SYBU: variants seen among roughly 807,000 people sequenced by gnomAD.
The protein encoded by SYBU is syntabulin.
SYBU carries 21 observed loss-of-function variants against 35.9 expected under a neutral mutation model. That is an observed-to-expected ratio of 0.58 (90% CI 0.41 to 0.84). SYBU has a LOEUF of 0.84. Among genes scored for constraint, SYBU ranks in the 40% least tolerant of loss-of-function variants. SYBU has a pLI of 0.00. For synonymous variants in SYBU, 319 were observed against 324.3 expected (o/e 0.98, Z 0.18); for missense variants, 768 against 848.2 (o/e 0.91, Z 1.17).
rs138718238 is a variant in SYBU at position 109,670,905 on chromosome 8, A to AAGAG, written c.-129+9802_-129+9805dup. Among the ~76,000 whole-genome samples, 1,328 of 152,156 alleles carry AAGAG rather than the reference A, an allele frequency of 8.7e-3. 26 individuals are homozygous for AAGAG. The highest frequency in any genetic ancestry group is 0.031 in the African/African-American group (1,277 of 41,504). On this transcript the variant is annotated intron_variant, in intron 1 of 5. Coordinates refer to the SYBU transcript ENST00000408889. ...AGAGGTAGAAATAGAGTTAGAATGG[A>AAGAG]AGAGAGAGAGAGACTTTGCTTTATG...
At position 109,644,750 on chromosome 8, in the gene SYBU, C is replaced by G; in HGVS notation, c.-91G>C. The G allele has an allele frequency of 1.6e-6, 2 of 1,251,716 alleles. No individual in the cohort carries two copies. Among genetic ancestry groups the G allele is most frequent in the South Asian group, 4.1e-5 (2 of 48,602 alleles). The allele number at this position is 1,251,716 out of a possible 1,614,324, so 77.5% of individuals were successfully genotyped here. A position where few individuals can be genotyped will look rare whatever the true frequency, so the allele number is the denominator to read the frequency against. On this transcript the variant is annotated 5_prime_UTR_variant, in exon 1 of 7. Coordinates refer to ENST00000276646, the MANE Select transcript of SYBU (RefSeq NM_001099754.2). ...ACGGAGCGAGGAGACTGCGCTGAGCCGGCGCGGGCTGCGGGCGGCGGCTCT... is the reference window on the plus strand; with the variant it reads ...ACGGAGCGAGGAGACTGCGCTGAGCGGGCGCGGGCTGCGGGCGGCGGCTCT...
At chr8:109,642,206 C>T (rs955789721) in intron 2 of SYBU, among the ~76,000 whole-genome samples, 2 of 152,052 alleles carry the variant, frequency 1.3e-5, no homozygotes, top group Admixed American at 1.3e-4. Context: ...AACAGAGGAA[C>T]AGAAAACCAA....
intron 1 of SYBU, among the ~76,000 whole-genome samples, chr8:109,659,524 A>G (rs1275253490): frequency 6.6e-6 from 1 of 152,190 alleles, no homozygotes; most frequent in African/African-American, 2.4e-5. Context: ...TGCCATTGAC[A>G]AAAGCATTAT....
intron 1 of SYBU, among the ~76,000 whole-genome samples, chr8:109,669,477 G>A (rs1438871665): frequency 6.6e-6 from 1 of 151,262 alleles, no homozygotes; most frequent in Non-Finnish European, 1.5e-5. Flanking sequence ...ACATATCAAC[G>A]TGTTGAAGTT....
intron 6 of SYBU, among the ~76,000 whole-genome samples, chr8:109,576,392 T>G (rs1822321493): frequency 6.6e-6 from 1 of 152,238 alleles, no homozygotes; most frequent in Admixed American, 6.5e-5. Context: ...AAGTCTTATC[T>G]TCTACTCAAT....
rs190248030 is a variant in SYBU at position 109,610,652 on chromosome 8, T to C, written c.427+8190A>G. 1.1e-3 allele frequency among the ~76,000 whole-genome samples: 170 copies of C among 152,348 alleles called. 2 individuals are homozygous for C. The highest frequency in any genetic ancestry group is 0.011 in the Admixed American group (168 of 15,296). ...AAATTAACCCATCGAATTGCCCAAGTGAACATACTATGCTGTTCAACAGGT... is the reference window on the plus strand; with the variant it reads ...AAATTAACCCATCGAATTGCCCAAGCGAACATACTATGCTGTTCAACAGGT... On this transcript the variant is annotated intron_variant, in intron 3 of 6. Transcript: ENST00000276646.
intron 5 of SYBU, 25 bp from the exon 6 acceptor site, chr8:109,578,042 G>A (rs776655643): frequency 6.3e-7 from 1 of 1,591,236 alleles, no homozygotes; most frequent in Non-Finnish European, 8.6e-7. Context: ...GTAATGAAAT[G>A]TTACTTTTTG....
At position 109,575,536 on chromosome 8, in the gene SYBU, A is replaced by G. The variant is rs779954079; in HGVS notation, c.1362T>C (p.Gly454=). ...EIVTATTTES[G]DLELVHSTPG... is the part of the protein sequence containing the mutation. ...GGGTGGAATGCACAAGCTCCAGGTC[A>G]CCAGATTCTGTGGTGGTGGCTGTCA... is the stretch of plus-strand genomic sequence containing the variant. Residue 454 remains glycine (G), a synonymous_variant, in exon 7 of 7, where the codon GGT becomes GGC. Transcript: ENST00000276646. 1.7e-5 allele frequency: 28 copies of G among 1,614,012 alleles called. No individual in the cohort carries two copies. Among genetic ancestry groups the G allele is most frequent in the Non-Finnish European group, 2.4e-5 (28 of 1,180,044 alleles).
chr8:109,684,648 C>A (rs1817479029), upstream of SYBU, among the ~76,000 whole-genome samples: 3 of 152,222 alleles, frequency 2.0e-5, no homozygotes, highest in African/African-American at 7.2e-5. Context: ...CATGCCACAG[C>A]TACTTCACTT....
At chr8:109,629,158 T>G (rs1813309489) in intron 2 of SYBU, among the ~76,000 whole-genome samples, 1 of 152,190 alleles carries the variant, frequency 6.6e-6, no homozygotes, top group Non-Finnish European at 1.5e-5. Flanking sequence ...TGAAGAATTT[T>G]AGGTCAGGAA....
chr8:109,652,048 A>G (rs190695881), intron 1 of SYBU, among the ~76,000 whole-genome samples: 42 of 152,286 alleles, frequency 2.8e-4, no homozygotes, highest in African/African-American at 1.0e-3. Flanking sequence ...TGAGCCATGC[A>G]CTGCCTCAGC....
upstream of SYBU, among the ~76,000 whole-genome samples, chr8:109,683,254 C>G (rs968613164): frequency 6.6e-6 from 1 of 152,214 alleles, no homozygotes; most frequent in African/African-American, 2.4e-5. Context: ...TGAAAGCAGC[C>G]AGGAGTTGGG....
At chr8:109,638,894 C>T (rs1814538090) in intron 2 of SYBU, among the ~76,000 whole-genome samples, 2 of 152,138 alleles carry the variant, frequency 1.3e-5, no homozygotes, top group Non-Finnish European at 2.9e-5. Flanking sequence ...AAAAACAAAG[C>T]TCTTTGGGGA....
At chr8:109,623,241 C>T (rs191150883) in intron 2 of SYBU, among the ~76,000 whole-genome samples, 233 of 152,260 alleles carry the variant, frequency 1.5e-3, no homozygotes, top group African/African-American at 5.3e-3. Context: ...AAGATAGCCT[C>T]TGGTGGAACT....
At chr8:109,599,958 T>C (rs1825331811) in intron 3 of SYBU, among the ~76,000 whole-genome samples, 1 of 152,212 alleles carries the variant, frequency 6.6e-6, no homozygotes, top group African/African-American at 2.4e-5. Context: ...CCCATCCCTC[T>C]GGGCTTGGCT....
intron 1 of SYBU, among the ~76,000 whole-genome samples, chr8:109,674,088 C>G (rs1817088843): frequency 1.3e-5 from 2 of 152,080 alleles, no homozygotes; most frequent in African/African-American, 2.4e-5. Flanking sequence ...GATAATGGAA[C>G]CAAGTTGGAA....
Position 109,575,665 on chromosome 8 carries a change from T to C in SYBU, c.1233A>G (p.Ala411=), listed in dbSNP as rs35097569. ...LTLNPPLDTM[A]DGLSLEEQVT... is the part of the protein sequence containing the mutation. ...CCTGCTCTTCCAGAGATAACCCATCTGCCATTGTGTCAAGAGGGGGGTTGA... is the reference window on the plus strand; with the variant it reads ...CCTGCTCTTCCAGAGATAACCCATCCGCCATTGTGTCAAGAGGGGGGTTGA... Residue 411 remains alanine, a synonymous_variant, in exon 7 of 7, where the codon GCA becomes GCG. Coordinates refer to ENST00000276646, the MANE Select transcript of SYBU (RefSeq NM_001099754.2). 9.8e-3 allele frequency: 15,769 copies of C among 1,614,170 alleles called. 157 individuals are homozygous for C. Among genetic ancestry groups the C allele is most frequent in the South Asian group, 0.029 (2,686 of 91,086 alleles).
rs1822826382 is a variant in SYBU at position 109,579,939 on chromosome 8, G to A, written c.594C>T (p.Ser198=). Residue 198 remains serine (S), a synonymous_variant, in exon 5 of 7, where the codon TCC becomes TCT. Transcript: ENST00000276646. ...TGGACAGAAGGTCCTTTTCCCGCGG[G>A]GATGATGGGCTGCTGCCAGGCTTGT... ...SSHKPGSSPS[S]PREKDLLSML... 1 of 1,613,756 alleles carries A rather than the reference G, an allele frequency of 6.2e-7. No homozygotes were observed. The highest frequency in any genetic ancestry group is 1.3e-5 in the African/African-American group (1 of 74,886).
intron 3 of SYBU, chr8:109,608,074 A>C: frequency 1.2e-6 from 1 of 863,010 alleles, no homozygotes; most frequent in Non-Finnish European, 1.7e-6. Context: ...AGCCTTCTGC[A>C]TGTGCAGGGC....
Sources: gnomAD v4.1 joint callset for allele counts (sites outside exome capture counted in the v4.1 genomes callset) on GRCh38, gnomAD v4.1.1 for gene constraint, MANE v1.5 for transcripts, NCBI Gene and HGNC (gene_info 2026-07-23, HGNC 2026-07-21) for gene names.